PTPRK: variants seen among roughly 807,000 people sequenced by gnomAD.
The protein encoded by PTPRK is protein tyrosine phosphatase receptor type K.
PTPRK carries 75 observed loss-of-function variants against 178.0 expected under a neutral mutation model. The observed-to-expected ratio is 0.42, with a 90% CI of 0.35 to 0.51. The LOEUF is 0.51. Ranked by LOEUF, PTPRK falls within the 20% of genes least tolerant of loss-of-function variation. The probability of loss-of-function intolerance (pLI) is 0.02; values close to 1 mark genes in which losing one functional copy is unlikely to be tolerated. For synonymous variants in PTPRK, 637 were observed against 620.6 expected, an observed-to-expected ratio of 1.03 and a Z score of -0.39; for missense variants, 1,441 against 1,797.8, an observed-to-expected ratio of 0.80 and a Z score of 3.59.
In PTPRK at chr6:128,318,778, G is replaced by A. The variant is rs910317911; in HGVS notation, c.495+3261C>T. On this transcript the variant is annotated intron_variant, in intron 3 of 29. Transcript: ENST00000368226. Reference sequence around the variant, plus strand: ...AGATTTCCAGAGTGGAGAAAATTACGCTTTTAGAGGTATGCTGATCTTCAG... The same window carrying A: ...AGATTTCCAGAGTGGAGAAAATTACACTTTTAGAGGTATGCTGATCTTCAG... Among the ~76,000 whole-genome samples the A allele has an allele frequency of 2.6e-5, 4 of 152,236 alleles. 1 individual carries two copies. The highest frequency in any genetic ancestry group is 3.9e-4 in the East Asian group (2 of 5,186).
At chr6:128,336,511 T>C (rs755293298) in intron 2 of PTPRK, among the ~76,000 whole-genome samples, 2 of 152,168 alleles carry the variant, frequency 1.3e-5, no homozygotes, top group African/African-American at 4.8e-5. Flanking sequence ...AAGAAGAAAC[T>C]TAATAGTTTC....
intron 13 of PTPRK, among the ~76,000 whole-genome samples, chr6:128,046,815 G>A (rs1264841620): frequency 6.6e-6 from 1 of 152,138 alleles, no homozygotes; most frequent in East Asian, 1.9e-4. Context: ...TAATGGAAAT[G>A]AATTCAGTCA....
At chr6:128,152,303 G>A (rs1257473612) in intron 7 of PTPRK, among the ~76,000 whole-genome samples, 2 of 152,026 alleles carry the variant, frequency 1.3e-5, no homozygotes, top group African/African-American at 2.4e-5. Context: ...GAAGTGGAAA[G>A]AGATGAATCC....
intron 1 of PTPRK, among the ~76,000 whole-genome samples, chr6:128,419,592 A>G (rs1489572179): frequency 6.6e-6 from 1 of 151,764 alleles, no homozygotes; most frequent in Non-Finnish European, 1.5e-5. Context: ...AGCCTGGGCG[A>G]CAGAGCGAGA....
At chr6:128,504,875 T>A (rs895300533) in intron 1 of PTPRK, among the ~76,000 whole-genome samples, 3 of 152,186 alleles carry the variant, frequency 2.0e-5, no homozygotes, top group Admixed American at 6.5e-5. Context: ...TGATTCAGTA[T>A]CCTTTAGGTA....
intron 8 of PTPRK, among the ~76,000 whole-genome samples, chr6:128,087,729 G>A (rs916002591): frequency 7.9e-5 from 12 of 152,078 alleles, no homozygotes; most frequent in Non-Finnish European, 1.8e-4. Flanking sequence ...TCATAAATAA[G>A]TCTTAAATAA....
chr6:128,377,524 T>G (rs1837272829), intron 2 of PTPRK, among the ~76,000 whole-genome samples: 1 of 152,130 alleles, frequency 6.6e-6, no homozygotes, highest in Admixed American at 6.6e-5. Context: ...AACCATATCA[T>G]GTACCATTAA....
At chr6:128,163,559 G>T (rs1041295745) in intron 7 of PTPRK, among the ~76,000 whole-genome samples, 11 of 151,386 alleles carry the variant, frequency 7.3e-5, no homozygotes, top group African/African-American at 2.2e-4. Context: ...AGCTGAATTA[G>T]CTTACTTCTT....
At chr6:128,507,529 T>C (rs983525896) in intron 1 of PTPRK, among the ~76,000 whole-genome samples, 2 of 152,096 alleles carry the variant, frequency 1.3e-5, no homozygotes, top group African/African-American at 4.8e-5. Flanking sequence ...AATTAGGTGA[T>C]GGTCACAGCC....
At chr6:128,179,173 T>C (rs1801540968) in intron 7 of PTPRK, among the ~76,000 whole-genome samples, 1 of 152,022 alleles carries the variant, frequency 6.6e-6, no homozygotes, top group South Asian at 2.1e-4. Flanking sequence ...TTTGCATTTA[T>C]TCTGTTTATA....
intron 2 of PTPRK, among the ~76,000 whole-genome samples, chr6:128,391,251 A>T (rs1052382492): frequency 1.3e-5 from 2 of 152,244 alleles, no homozygotes; most frequent in Admixed American, 1.3e-4. Context: ...GTACTTTTTG[A>T]GGTTTTCCCA....
At chr6:128,458,758 TA>T (rs565635498) in intron 1 of PTPRK, among the ~76,000 whole-genome samples, 49 of 152,248 alleles carry the variant, frequency 3.2e-4, no homozygotes, top group African/African-American at 1.0e-3. Context: ...ACTAGAGGAA[TA>T]AAAAAGAAAC....
intron 5 of PTPRK, among the ~76,000 whole-genome samples, chr6:128,227,312 A>G (rs1811527372): frequency 6.6e-6 from 1 of 152,188 alleles, no homozygotes; most frequent in Non-Finnish European, 1.5e-5. Context: ...TCAGAAGACA[A>G]ATGCAATGAA....
At chr6:128,405,166 A>C (rs1656159819) in intron 1 of PTPRK, among the ~76,000 whole-genome samples, 1 of 152,196 alleles carries the variant, frequency 6.6e-6, no homozygotes, top group Non-Finnish European at 1.5e-5. Flanking sequence ...AATTTCTACA[A>C]ATAATTTTAT....
At chr6:128,094,863 GAGA>G (rs758573851) in intron 7 of PTPRK, among the ~76,000 whole-genome samples, 2 of 152,028 alleles carry the variant, frequency 1.3e-5, no homozygotes, top group Non-Finnish European at 2.9e-5. Context: ...AGAGAAAAGA[GAGA>G]AGAAGAAAAA....
chr6:128,270,545 T>G (rs761087118), intron 3 of PTPRK, among the ~76,000 whole-genome samples: 3 of 151,910 alleles, frequency 2.0e-5, no homozygotes, highest in Non-Finnish European at 2.9e-5. Flanking sequence ...AAAAGGAGAG[T>G]CAATGTATTA....
At chr6:128,265,123 T>C (rs1032453922) in intron 3 of PTPRK, among the ~76,000 whole-genome samples, 13 of 152,198 alleles carry the variant, frequency 8.5e-5, no homozygotes, top group African/African-American at 2.9e-4. Flanking sequence ...TTATAGATAC[T>C]AAAAATGGAG....
chr6:128,134,414 T>G (rs1346946219), intron 7 of PTPRK, among the ~76,000 whole-genome samples: 1 of 152,212 alleles, frequency 6.6e-6, no homozygotes, highest in Admixed American at 6.6e-5. Flanking sequence ...TATAGTCACC[T>G]GTGATAGTTT....
chr6:128,140,216 C>A (rs117258522), intron 7 of PTPRK, among the ~76,000 whole-genome samples: 2,167 of 151,974 alleles, frequency 0.014, 20 homozygotes, highest in Non-Finnish European at 0.023. Context: ...TGAAGAATAA[C>A]CCTAAGCATA....
Sources: gnomAD v4.1 joint callset for allele counts (sites outside exome capture counted in the v4.1 genomes callset) on GRCh38, gnomAD v4.1.1 for gene constraint, MANE v1.5 for transcripts, NCBI Gene and HGNC (gene_info 2026-07-23, HGNC 2026-07-21) for gene names.